MATN2: variants seen among roughly 807,000 people sequenced by gnomAD.
The protein encoded by MATN2 is matrilin-2.
In MATN2, 69 loss-of-function variants were observed where a neutral mutation model predicts 103.2. The ratio of observed to expected loss-of-function variants is 0.67; its 90% CI spans 0.55 to 0.82. MATN2 has a LOEUF of 0.82. Ranked by LOEUF, MATN2 falls within the 40% of genes least tolerant of loss-of-function variation. The probability of loss-of-function intolerance (pLI) is 0.00; values close to 1 mark genes in which losing one functional copy is unlikely to be tolerated. For synonymous variants in MATN2, 429 were observed against 450.2 expected (o/e 0.95, Z 0.60); for missense variants, 1,023 against 1,211.5 (o/e 0.84, Z 2.31).
intron 6 of MATN2, among the ~76,000 whole-genome samples, chr8:97,981,400 C>T (rs1028685512): frequency 3.3e-5 from 5 of 150,512 alleles, no homozygotes; most frequent in Non-Finnish European, 5.9e-5. Flanking sequence ...AGCCACCACA[C>T]CTGGCCTCCA....
At chr8:97,884,407 G>A (rs909229339) in intron 1 of MATN2, among the ~76,000 whole-genome samples, 1 of 152,098 alleles carries the variant, frequency 6.6e-6, no homozygotes, top group African/African-American at 2.4e-5. Context: ...CCAAAGTGCT[G>A]GGATTACAGG....
chr8:97,913,391 T>G (rs905813804), intron 2 of MATN2, among the ~76,000 whole-genome samples: 18 of 151,210 alleles, frequency 1.2e-4, no homozygotes, highest in African/African-American at 4.4e-4. Flanking sequence ...CTTGGCTCAC[T>G]GCAGCCTCTG....
At chr8:97,990,198 A>AAAC (rs1812345992) in intron 6 of MATN2, among the ~76,000 whole-genome samples, 1 of 151,580 alleles carries the variant, frequency 6.6e-6, no homozygotes, top group African/African-American at 2.4e-5. Flanking sequence ...AAAAAAAAAA[A>AAAC]AAAAGACAAG....
chr8:97,963,987 T>C (rs1292525100), intron 5 of MATN2, among the ~76,000 whole-genome samples: 1 of 151,910 alleles, frequency 6.6e-6, no homozygotes, highest in Non-Finnish European at 1.5e-5. Flanking sequence ...CCACGGAAGG[T>C]CAGAGAGAGA....
intron 7 of MATN2, among the ~76,000 whole-genome samples, chr8:98,003,099 T>C (rs938411171): frequency 6.6e-6 from 1 of 151,014 alleles, no homozygotes; most frequent in Non-Finnish European, 1.5e-5. Flanking sequence ...CCCTCATCCC[T>C]GGGCGTTTGT....
intron 2 of MATN2, among the ~76,000 whole-genome samples, chr8:97,901,594 T>C (rs1027025457): frequency 6.6e-6 from 1 of 152,188 alleles, no homozygotes; most frequent in African/African-American, 2.4e-5. Context: ...GGGTAATCAT[T>C]GATTCATCCA....
intron 10 of MATN2, among the ~76,000 whole-genome samples, chr8:98,009,233 T>TGAA: frequency 6.6e-6 from 1 of 152,306 alleles, no homozygotes; most frequent in Middle Eastern, 3.4e-3. Flanking sequence ...TTCCCCTAAT[T>TGAA]GAAGACTTTC....
chr8:97,883,102 G>A (rs1398135667), intron 1 of MATN2, among the ~76,000 whole-genome samples: 7 of 151,910 alleles, frequency 4.6e-5, no homozygotes, highest in South Asian at 4.1e-4. Context: ...TCAGGAGTTC[G>A]AGACTGGCCT....
At chr8:97,898,489 C>T (rs1023687296) in intron 2 of MATN2, among the ~76,000 whole-genome samples, 6 of 151,120 alleles carry the variant, frequency 4.0e-5, no homozygotes, top group East Asian at 2.0e-4. Context: ...CCCAGCTACT[C>T]GGGAGGCCGA....
intron 5 of MATN2, among the ~76,000 whole-genome samples, chr8:97,976,019 T>C (rs1020628285): frequency 2.0e-5 from 3 of 152,230 alleles, no homozygotes; most frequent in Non-Finnish European, 4.4e-5. Flanking sequence ...TGAGATGACA[T>C]GAATGCCCTA....
intron 2 of MATN2, among the ~76,000 whole-genome samples, chr8:97,902,061 C>T (rs571899546): frequency 6.6e-6 from 1 of 152,112 alleles, no homozygotes; most frequent in East Asian, 1.9e-4. Context: ...TAGGGTCCCA[C>T]TATGTTGCCC....
intron 13 of MATN2, among the ~76,000 whole-genome samples, chr8:98,022,863 A>C (rs1813653539): frequency 6.6e-6 from 1 of 152,130 alleles, no homozygotes; most frequent in Non-Finnish European, 1.5e-5. Flanking sequence ...CAAGACGGGC[A>C]GATCACCTGA....
chr8:97,877,182 A>G (rs1196243309), intron 1 of MATN2, among the ~76,000 whole-genome samples: 1 of 151,650 alleles, frequency 6.6e-6, no homozygotes, highest in African/African-American at 2.4e-5. Context: ...AATTTAAAAA[A>G]AATTTTTTGG....
intron 6 of MATN2, among the ~76,000 whole-genome samples, chr8:97,989,340 G>C (rs890229931): frequency 6.6e-5 from 10 of 152,008 alleles, no homozygotes; most frequent in African/African-American, 1.5e-4. Flanking sequence ...ATGGTGGCAG[G>C]CACCTGTAGT....
At chr8:98,003,628 G>C (rs184239062) in intron 7 of MATN2, 33 bp from the exon 8 acceptor site, 1 of 1,612,864 alleles carries the variant, frequency 6.2e-7, no homozygotes, top group African/African-American at 1.3e-5. Flanking sequence ...GAGGTCCAGA[G>C]TCTGAAGGAA....
intron 1 of MATN2, among the ~76,000 whole-genome samples, chr8:97,881,782 C>T (rs1818261054): frequency 6.6e-6 from 1 of 152,076 alleles, no homozygotes; most frequent in Non-Finnish European, 1.5e-5. Context: ...CATGCACTGA[C>T]TTATTTTTTT....
At chr8:97,944,322 T>C (rs1810675758) in intron 4 of MATN2, among the ~76,000 whole-genome samples, 1 of 152,214 alleles carries the variant, frequency 6.6e-6, no homozygotes, top group African/African-American at 2.4e-5. Flanking sequence ...TTAGCAGAGC[T>C]CTGCTGTCCC....
chr8:97,893,972 C>T (rs954231141), intron 2 of MATN2, among the ~76,000 whole-genome samples: 42 of 152,232 alleles, frequency 2.8e-4, no homozygotes, highest in Non-Finnish European at 1.9e-4. Flanking sequence ...ACCAAACTGG[C>T]TCATTTTATT....
At chr8:98,010,724 G>A (rs1243118123) in intron 10 of MATN2, among the ~76,000 whole-genome samples, 1 of 152,184 alleles carries the variant, frequency 6.6e-6, no homozygotes, top group African/African-American at 2.4e-5. Flanking sequence ...GGACTCAGGA[G>A]TCCAAGGGCT....
Sources: gnomAD v4.1 joint callset for allele counts (sites outside exome capture counted in the v4.1 genomes callset) on GRCh38, gnomAD v4.1.1 for gene constraint, MANE v1.5 for transcripts, NCBI Gene and HGNC (gene_info 2026-07-23, HGNC 2026-07-21) for gene names.